Variants in UBE2D3 observed in about 807,000 individuals in gnomAD.
UBE2D3 encodes ubiquitin-conjugating enzyme E2 D3.
A neutral mutation model predicts 22.8 loss-of-function variants in UBE2D3; 2 were observed. The observed-to-expected ratio is 0.09, with a 90% CI of 0.04 to 0.28. UBE2D3 has a LOEUF of 0.28. UBE2D3 is among the 10% of genes least tolerant of loss of function. The pLI, the probability that UBE2D3 is intolerant of heterozygous loss-of-function variation, is 1.00. For missense variants in UBE2D3, 27 were observed against 182.5 expected, an observed-to-expected ratio of 0.15 and a Z score of 4.91; for synonymous variants, 56 against 60.4, an observed-to-expected ratio of 0.93 and a Z score of 0.34.
chr4:102,831,557 G>GT (rs1731117401), upstream of UBE2D3, among the ~76,000 whole-genome samples: 1 of 152,088 alleles, frequency 6.6e-6, no homozygotes, highest in African/African-American at 2.4e-5. Context: ...TGTGTATAAT[G>GT]GAATATTATT....
intron 2 of UBE2D3, chr4:102,810,140 T>C (rs1727719961): frequency 6.3e-6 from 2 of 315,224 alleles, no homozygotes; most frequent in Non-Finnish European, 1.2e-5. Context: ...AATTAGATAT[T>C]CTCATAGTTT....
chr4:102,826,723 G>C, intron 1 of UBE2D3, 87 bp from the exon 2 acceptor site: 2 of 1,421,422 alleles, frequency 1.4e-6, no homozygotes, highest in Non-Finnish European at 1.8e-6. Context: ...GCCGCGATCC[G>C]GGGTGGGTGG....
intron 4 of UBE2D3, among the ~76,000 whole-genome samples, chr4:102,808,051 A>G (rs1165595708): frequency 6.6e-6 from 1 of 152,208 alleles, no homozygotes; most frequent in Non-Finnish European, 1.5e-5. Flanking sequence ...ATTTTAAGGC[A>G]TTTTATAGCA....
intron 1 of UBE2D3, among the ~76,000 whole-genome samples, chr4:102,853,134 C>CTTTTTT (rs1560891590): frequency 1.2e-5 from 1 of 80,760 alleles, no homozygotes; most frequent in Non-Finnish European, 2.2e-5. Flanking sequence ...CAAACACACA[C>CTTTTTT]ATTTTTTTTT....
chr4:102,804,240 C>T (rs1223828724), intron 4 of UBE2D3, among the ~76,000 whole-genome samples: 1 of 152,138 alleles, frequency 6.6e-6, no homozygotes, highest in Non-Finnish European at 1.5e-5. Flanking sequence ...CAGCTCACTG[C>T]AAGCGCCGCC....
chr4:102,801,418 A>G (rs763061333), intron 6 of UBE2D3, 36 bp downstream of exon 6: 5 of 1,541,546 alleles, frequency 3.2e-6, no homozygotes, highest in Non-Finnish European at 4.5e-6. Context: ...GCTTTATTAG[A>G]CAATGAGAAC....
intron 1 of UBE2D3, among the ~76,000 whole-genome samples, chr4:102,847,025 T>C (rs1480092043): frequency 1.3e-5 from 2 of 152,154 alleles, no homozygotes; most frequent in African/African-American, 4.8e-5. Flanking sequence ...CCTCTATGCA[T>C]AGGAGCCTGG....
intron 1 of UBE2D3, among the ~76,000 whole-genome samples, chr4:102,847,158 A>G (rs181479821): frequency 5.9e-5 from 9 of 152,300 alleles, no homozygotes; most frequent in Non-Finnish European, 2.9e-5. Flanking sequence ...CCAGCATTAG[A>G]ATAGGAAAGG....
chr4:102,838,423 C>G (rs966027968), intron 1 of UBE2D3, among the ~76,000 whole-genome samples: 3 of 152,152 alleles, frequency 2.0e-5, no homozygotes, highest in Admixed American at 2.0e-4. Context: ...GAAAACACCA[C>G]AGATCAGATC....
chr4:102,817,092 A>C lies in UBE2D3; in HGVS notation c.25-7237T>G, dbSNP rs1265892340. Among the ~76,000 whole-genome samples, 3 of 152,206 alleles carry C rather than the reference A, an allele frequency of 2.0e-5. No homozygotes were observed. In the East Asian group the frequency reaches 5.8e-4, roughly 29 times the overall value. Reference sequence around the variant, plus strand: ...TTTACCAAGAACAAGGAGTGAGAGAAGCATTCTAGGTAGAGAAACTCAAAG... The same window carrying C: ...TTTACCAAGAACAAGGAGTGAGAGACGCATTCTAGGTAGAGAAACTCAAAG... On this transcript the variant is annotated intron_variant, in intron 2 of 7. Transcript: ENST00000453744.
intron 1 of UBE2D3, among the ~76,000 whole-genome samples, chr4:102,854,824 A>G (rs1732551926): frequency 6.6e-6 from 1 of 152,220 alleles, no homozygotes. Context: ...AATAAGATCA[A>G]AAACTTAAGA....
intron 2 of UBE2D3, chr4:102,825,646 G>A: frequency 9.6e-7 from 1 of 1,039,854 alleles, no homozygotes; most frequent in East Asian, 6.1e-5. Flanking sequence ...AACTTAAATC[G>A]ATAATATACT....
upstream of UBE2D3, among the ~76,000 whole-genome samples, chr4:102,831,179 A>G (rs1457295176): frequency 6.6e-6 from 1 of 152,212 alleles, no homozygotes; most frequent in East Asian, 1.9e-4. Flanking sequence ...CAGATTTTAT[A>G]TTCAGAATGC....
chr4:102,799,510 A>G lies in UBE2D3; in HGVS notation c.305-10T>C, dbSNP rs757062580. The G allele has an allele frequency of 6.3e-7, 1 of 1,599,418 alleles. No homozygotes were observed. Among genetic ancestry groups the G allele is most frequent in the South Asian group, 1.1e-5 (1 of 89,550 alleles). On this transcript the variant is annotated splice_polypyrimidine_tract_variant and intron_variant, in intron 6 of 7. Transcript: ENST00000453744. ...CAAATGGATAAAAGAACTGCAAGAA[A>G]ACAAAAACATCTGTTACCCAGTTTC...
chr4:102,814,035 C>G (rs1039199906), intron 2 of UBE2D3, among the ~76,000 whole-genome samples: 1 of 152,176 alleles, frequency 6.6e-6, no homozygotes, highest in African/African-American at 2.4e-5. Flanking sequence ...GTATATCACA[C>G]ACCCTTTATA....
chr4:102,828,013 C>T (rs1268763673), upstream of UBE2D3: 1 of 985,336 alleles, frequency 1.0e-6, no homozygotes, highest in African/African-American at 1.7e-5. Context: ...TCTGCAATGA[C>T]TTAAGAGCAG....
intron 2 of UBE2D3, among the ~76,000 whole-genome samples, chr4:102,813,439 G>A (rs183749889): frequency 2.0e-5 from 3 of 152,292 alleles, no homozygotes; most frequent in African/African-American, 4.8e-5. Context: ...AAAAGGTGAC[G>A]CTAAGATTTT....
chr4:102,851,626 C>G (rs1283196189), intron 1 of UBE2D3, among the ~76,000 whole-genome samples: 1 of 151,776 alleles, frequency 6.6e-6, no homozygotes, highest in East Asian at 1.9e-4. Flanking sequence ...CCTCTTCTTC[C>G]TTTAATATTA....
At chr4:102,818,970 AAAG>A (rs1185839740) in intron 2 of UBE2D3, among the ~76,000 whole-genome samples, 1 of 152,202 alleles carries the variant, frequency 6.6e-6, no homozygotes, top group African/African-American at 2.4e-5. Context: ...CACAGGCTAC[AAAG>A]AACAGTAGGC....
Sources: gnomAD v4.1 joint callset for allele counts (sites outside exome capture counted in the v4.1 genomes callset) on GRCh38, gnomAD v4.1.1 for gene constraint, MANE v1.5 for transcripts, NCBI Gene and HGNC (gene_info 2026-07-23, HGNC 2026-07-21) for gene names.